Variants in P2RY14 observed in about 807,000 individuals in gnomAD.
P2RY14 encodes P2Y purinoceptor 14.
P2RY14 carries 2 observed loss-of-function variants against 0.9 expected under a neutral mutation model. The observed-to-expected ratio is 2.16, with a 90% CI of 0.88 to 6.79. P2RY14 has a LOEUF of 6.79. P2RY14 is among the 30% of genes most tolerant of loss of function. The pLI, the probability that P2RY14 is intolerant of heterozygous loss-of-function variation, is 0.05. For missense variants in P2RY14, 378 were observed against 400.1 expected (o/e 0.94, Z 0.47); for synonymous variants, 158 against 147.2 (o/e 1.07, Z -0.53).
rs149010025 is a variant in P2RY14 at position 151,221,374 on chromosome 3, A to G, written c.-132-1732T>C. ...GTTTGCATAAGCAACAAAGAGCTGA[A>G]TGTTAATCACCAAGAAAATGGGGAA... On this transcript the variant is annotated intron_variant, in intron 1 of 2. Coordinates refer to ENST00000309170, the MANE Select transcript of P2RY14 (RefSeq NM_014879.4). Among the ~76,000 whole-genome samples, 223 of 152,374 alleles carry G rather than the reference A, an allele frequency of 1.5e-3. 1 individual carries two copies. Among genetic ancestry groups the G allele is most frequent in the African/African-American group, 4.9e-3 (203 of 41,584 alleles).
intron 1 of P2RY14, among the ~76,000 whole-genome samples, chr3:151,220,554 G>C (rs146245807): frequency 1.2e-3 from 176 of 152,282 alleles, no homozygotes; most frequent in South Asian, 1.5e-3. Context: ...AGTGGGAGAT[G>C]ATTGAATTAT....
intron 1 of P2RY14, among the ~76,000 whole-genome samples, chr3:151,229,905 A>G (rs1000965882): frequency 6.6e-6 from 1 of 152,190 alleles, no homozygotes; most frequent in Non-Finnish European, 1.5e-5. Context: ...TTCAAGTTGT[A>G]TTTGAAATCA....
chr3:151,263,997 C>T (rs1029393355), intron 1 of P2RY14, among the ~76,000 whole-genome samples: 1 of 152,242 alleles, frequency 6.6e-6, no homozygotes, highest in Non-Finnish European at 1.5e-5. Context: ...TTCCCTCTCC[C>T]CTACCCACTT....
At chr3:151,250,029 T>C (rs998226812) in intron 1 of P2RY14, among the ~76,000 whole-genome samples, 3 of 152,142 alleles carry the variant, frequency 2.0e-5, no homozygotes, top group Non-Finnish European at 4.4e-5. Context: ...CTCAAAGCTC[T>C]CCCTTAAATG....
At position 151,257,067 on chromosome 3, in the gene P2RY14, T is replaced by A. The variant is rs149981813; in HGVS notation, c.-133+21220A>T. ...CAGCACGATACAGCTGCTTCTGAGATACAAGAAATGGTGTAGTTTTAAAAA... is the reference window on the plus strand; with the variant it reads ...CAGCACGATACAGCTGCTTCTGAGAAACAAGAAATGGTGTAGTTTTAAAAA... On this transcript the variant is annotated intron_variant, in intron 1 of 2. Coordinates refer to ENST00000309170, the MANE Select transcript of P2RY14 (RefSeq NM_014879.4). Among the ~76,000 whole-genome samples the A allele has an allele frequency of 5.1e-3, 778 of 152,290 alleles. 12 individuals carry two copies. The highest frequency in any genetic ancestry group is 0.017 in the African/African-American group (727 of 41,558).
At chr3:151,270,199 G>GTGTGTGTA (rs1740650400) in intron 1 of P2RY14, 1 of 130,310 alleles carries the variant, frequency 7.7e-6, no homozygotes, top group Non-Finnish European at 1.7e-5. Flanking sequence ...AAGCTGTCGT[G>GTGTGTGTA]TGTGTGTGTG....
At chr3:151,269,859 G>A (rs1008788499) in intron 1 of P2RY14, 26 of 458,044 alleles carry the variant, frequency 5.7e-5, no homozygotes, top group Admixed American at 3.4e-4. Context: ...AGCAGGAAGA[G>A]GCAGCACGAA....
intron 1 of P2RY14, among the ~76,000 whole-genome samples, chr3:151,233,903 C>G (rs1345127028): frequency 6.6e-6 from 1 of 152,146 alleles, no homozygotes; most frequent in African/African-American, 2.4e-5. Context: ...GATTTTAGTC[C>G]ATGTGTACAT....
intron 1 of P2RY14, among the ~76,000 whole-genome samples, chr3:151,263,902 G>T (rs920608695): frequency 4.6e-5 from 7 of 152,202 alleles, no homozygotes; most frequent in African/African-American, 1.4e-4. Flanking sequence ...GCAGGGTAAA[G>T]TGTGGCACAG....
intron 1 of P2RY14, among the ~76,000 whole-genome samples, chr3:151,263,705 T>C (rs1488209443): frequency 6.6e-6 from 1 of 152,212 alleles, no homozygotes; most frequent in Non-Finnish European, 1.5e-5. Flanking sequence ...AAGAGATTAA[T>C]GTAATATAGA....
chr3:151,224,903 C>T (rs1299723456), intron 1 of P2RY14, among the ~76,000 whole-genome samples: 1 of 152,166 alleles, frequency 6.6e-6, no homozygotes, highest in East Asian at 1.9e-4. Context: ...TTTGCCAAGG[C>T]CGTTTGTTCA....
At chr3:151,266,433 T>A (rs888611268) in intron 1 of P2RY14, among the ~76,000 whole-genome samples, 1 of 152,236 alleles carries the variant, frequency 6.6e-6, no homozygotes, top group Admixed American at 6.5e-5. Flanking sequence ...GCGAACGGAC[T>A]TAACATTAAA....
At position 151,253,440 on chromosome 3, in the gene P2RY14, C is replaced by A. The variant is rs561568829; in HGVS notation, c.-133+24847G>T. Among the ~76,000 whole-genome samples the A allele has an allele frequency of 2.6e-5, 4 of 152,318 alleles. No individual in the cohort carries two copies. The South Asian group carries it at 8.3e-4, about 32-fold the overall frequency. ...TCCAAACACACCTTCTGTTCTCCCT[C>A]CTCTGGCCTTTGTTGGGCCGTTTCC... is the stretch of plus-strand genomic sequence containing the variant. On this transcript the variant is annotated intron_variant, in intron 1 of 2. Coordinates refer to ENST00000309170, the MANE Select transcript of P2RY14 (RefSeq NM_014879.4).
At chr3:151,253,466 TA>T (rs1423557834) in intron 1 of P2RY14, among the ~76,000 whole-genome samples, 2 of 152,250 alleles carry the variant, frequency 1.3e-5, no homozygotes, top group African/African-American at 4.8e-5. Context: ...GGCCGTTTCC[TA>T]AGCCTGGCAT....
At chr3:151,259,277 C>G (rs1738423677) in intron 1 of P2RY14, among the ~76,000 whole-genome samples, 1 of 152,190 alleles carries the variant, frequency 6.6e-6, no homozygotes, top group Non-Finnish European at 1.5e-5. Context: ...GAAATAGGCA[C>G]TCCTTTTGAA....
chr3:151,246,847 G>C (rs1056186604), intron 1 of P2RY14, among the ~76,000 whole-genome samples: 1 of 152,114 alleles, frequency 6.6e-6, no homozygotes, highest in African/African-American at 2.4e-5. Context: ...TACAAAATGG[G>C]AGAAACTTTT....
intron 1 of P2RY14, among the ~76,000 whole-genome samples, chr3:151,240,068 C>T (rs1487386559): frequency 2.0e-5 from 3 of 151,328 alleles, no homozygotes; most frequent in Non-Finnish European, 4.4e-5. Context: ...TGTGTATGGC[C>T]ACCACCTGTG....
At chr3:151,224,257 T>C (rs925792562) in intron 1 of P2RY14, among the ~76,000 whole-genome samples, 2 of 152,196 alleles carry the variant, frequency 1.3e-5, no homozygotes, top group Non-Finnish European at 2.9e-5. Context: ...TTTTCCTTCC[T>C]TTCAGTCCAG....
intron 1 of P2RY14, among the ~76,000 whole-genome samples, chr3:151,275,187 C>T (rs1741639011): frequency 6.6e-6 from 1 of 152,226 alleles, no homozygotes; most frequent in African/African-American, 2.4e-5. Context: ...GTGTATGATC[C>T]TGGAGAGTAT....
Sources: allele counts gnomAD v4.1 joint callset (sites outside exome capture counted in the v4.1 genomes callset), GRCh38; gene constraint gnomAD v4.1.1; transcripts MANE v1.5; gene names NCBI Gene and HGNC (gene_info 2026-07-23, HGNC 2026-07-21).